Variants in TRPC6 observed in about 807,000 individuals in gnomAD.
The protein encoded by TRPC6 is transient receptor potential cation channel subfamily C member 6.
Under a neutral mutation model 90.7 loss-of-function variants are expected in TRPC6, and 55 were observed. The observed-to-expected ratio is 0.61, with a 90% CI of 0.49 to 0.76. The LOEUF (loss-of-function observed/expected upper bound fraction) is 0.76. Among genes scored for constraint, TRPC6 ranks in the 30% least tolerant of loss-of-function variants. The pLI is 0.00. For missense variants in TRPC6, 989 were observed against 1,122.7 expected (o/e 0.88, Z 1.70); for synonymous variants, 393 against 393.0 (o/e 1.00, Z 0.00).
intron 10 of TRPC6, among the ~76,000 whole-genome samples, chr11:101,465,574 C>T (rs1720091589): frequency 6.6e-6 from 1 of 151,866 alleles, no homozygotes; most frequent in Admixed American, 6.6e-5. Context: ...TTGGCTTGTT[C>T]GATTTATCTG....
chr11:101,480,818 A>C (rs12791865), intron 5 of TRPC6, among the ~76,000 whole-genome samples: 11,941 of 152,238 alleles, frequency 0.078, 649 homozygotes, highest in Middle Eastern at 0.13. Context: ...TTAGTTTAAC[A>C]AGATAAAGGC....
chr11:101,488,377 T>C (rs1396039772), intron 4 of TRPC6, among the ~76,000 whole-genome samples: 1 of 152,244 alleles, frequency 6.6e-6, no homozygotes, highest in African/African-American at 2.4e-5. Flanking sequence ...GGTTCTGGTG[T>C]ACTTAGTCCC....
At position 101,554,783 on chromosome 11, in the gene TRPC6, G is replaced by A. The variant is rs144741339; in HGVS notation, c.170+28551C>T. Among the ~76,000 whole-genome samples, 44 of 152,254 alleles carry A rather than the reference G, an allele frequency of 2.9e-4. 1 individual carries two copies. The highest frequency in any genetic ancestry group is 1.1e-3 in the African/African-American group (44 of 41,524). ...TTATTGTAAACTCCAGCCTAAGAAA[G>A]ATAGCAGCTGATCTTCTTTCAAAGC... is the stretch of plus-strand genomic sequence containing the variant. On this transcript the variant is annotated intron_variant, in intron 1 of 12. Transcript: ENST00000344327.
intron 1 of TRPC6, among the ~76,000 whole-genome samples, chr11:101,540,477 A>G (rs7112255): frequency 0.57 from 86,808 of 152,108 alleles, 26,096 homozygotes; most frequent in Non-Finnish European, 0.65. Flanking sequence ...GGGCATATGT[A>G]GTGTTAAATG....
chr11:101,534,680 C>T (rs984477903), intron 1 of TRPC6, among the ~76,000 whole-genome samples: 1 of 151,854 alleles, frequency 6.6e-6, no homozygotes, highest in African/African-American at 2.4e-5. Context: ...ACAACTGATA[C>T]ATATTTAGAA....
intron 1 of TRPC6, among the ~76,000 whole-genome samples, chr11:101,535,665 C>G (rs1282112916): frequency 2.0e-5 from 3 of 152,076 alleles, no homozygotes; most frequent in Non-Finnish European, 4.4e-5. Context: ...CTGATAAAAG[C>G]AGAGCATAAA....
rs146581231 is a variant in TRPC6, at chr11:101,499,836, G to A, written c.945+4188C>T. Among the ~76,000 whole-genome samples, 3 of 34,636 alleles carry A rather than the reference G, an allele frequency of 8.7e-5. 1 individual carries two copies. The highest frequency in any genetic ancestry group is 3.6e-4 in the African/African-American group (2 of 5,628). The allele number at this position is 34,636 out of a possible 152,430, so 22.7% of individuals were successfully genotyped here. On this transcript the variant is annotated intron_variant, in intron 2 of 12. Transcript: ENST00000344327. ...TAAAATGTGTATATATATATACACA[G>A]TATAAAATGTGTATATATATATACA...
At chr11:101,550,126 AT>A (rs971056356) in intron 1 of TRPC6, among the ~76,000 whole-genome samples, 18 of 151,556 alleles carry the variant, frequency 1.2e-4, no homozygotes, top group Non-Finnish European at 2.1e-4. Context: ...AAGAATCTAA[AT>A]TTTTTTAAGA....
intron 10 of TRPC6, among the ~76,000 whole-genome samples, chr11:101,462,401 A>G (rs1859026514): frequency 6.6e-6 from 1 of 152,226 alleles, no homozygotes; most frequent in Admixed American, 6.5e-5. Flanking sequence ...TACTTTGGGC[A>G]GTATGGCCAT....
chr11:101,548,241 G>A, intron 1 of TRPC6, among the ~76,000 whole-genome samples: 1 of 111,890 alleles, frequency 8.9e-6, no homozygotes, highest in Admixed American at 1.0e-4. Flanking sequence ...AACAGCCTAA[G>A]AACTAGATCA....
At chr11:101,475,738 T>G (rs756804732) in intron 6 of TRPC6, among the ~76,000 whole-genome samples, 2 of 152,126 alleles carry the variant, frequency 1.3e-5, no homozygotes, top group Non-Finnish European at 2.9e-5. Flanking sequence ...TTTGTCTTTC[T>G]GTGCCTGCCT....
chr11:101,513,767 T>C (rs1455867108), intron 1 of TRPC6, among the ~76,000 whole-genome samples: 1 of 152,224 alleles, frequency 6.6e-6, no homozygotes, highest in Admixed American at 6.5e-5. Context: ...TAAGTTGATG[T>C]TCATATGAGG....
In TRPC6 at chr11:101,464,540, G is replaced by T. The variant is rs193298126; in HGVS notation, c.2484+4887C>A. 1.2e-4 allele frequency among the ~76,000 whole-genome samples: 19 copies of T among 152,234 alleles called. 1 individual carries two copies. Among genetic ancestry groups the T allele is most frequent in the East Asian group, 1.2e-3 (6 of 5,168 alleles). Reference sequence around the variant, plus strand: ...GTTGCATTGATCCCTTTACCATTATGTAATGCCCTTCATTGTCTTTTGTTC... The same window carrying T: ...GTTGCATTGATCCCTTTACCATTATTTAATGCCCTTCATTGTCTTTTGTTC... On this transcript the variant is annotated intron_variant, in intron 10 of 12. Transcript: ENST00000344327.
At chr11:101,495,173 A>G (rs1859913378) in intron 2 of TRPC6, among the ~76,000 whole-genome samples, 1 of 152,220 alleles carries the variant, frequency 6.6e-6, no homozygotes, top group Non-Finnish European at 1.5e-5. Context: ...GAAAAGAGAT[A>G]ACTCACAGTG....
intron 6 of TRPC6, 126 bp from the exon 7 acceptor site, chr11:101,473,899 T>A: frequency 1.5e-6 from 2 of 1,307,836 alleles, no homozygotes; most frequent in Non-Finnish European, 2.1e-6. Flanking sequence ...TCTCCTATCT[T>A]AAAGGGCTTC....
At chr11:101,484,041 T>C (rs766113528) in intron 4 of TRPC6, among the ~76,000 whole-genome samples, 6 of 152,186 alleles carry the variant, frequency 3.9e-5, no homozygotes, top group Non-Finnish European at 5.9e-5. Flanking sequence ...CTTTAGGAGA[T>C]GGTCCATAGC....
In TRPC6 at chr11:101,483,184, A is replaced by C. The variant is rs922279211; in HGVS notation, c.1294-19T>G. The C allele has an allele frequency of 1.2e-6, 2 of 1,613,654 alleles. No homozygotes were observed. The highest frequency in any genetic ancestry group is 1.7e-5 in the Admixed American group (1 of 59,978). The stretch of plus-strand genomic sequence containing the variant: ...TCCCCATCTGCCACAACACACACCA[A>C]AATAAAATCTTAACTTTGTTTTGTA... On this transcript the variant is annotated intron_variant, in intron 4 of 12. Transcript: ENST00000344327.
chr11:101,568,448 T>C, intron 1 of TRPC6, among the ~76,000 whole-genome samples: 1 of 152,182 alleles, frequency 6.6e-6, no homozygotes, highest in East Asian at 1.9e-4. Context: ...TTCAGAATAT[T>C]ATCCAGGAGA....
At chr11:101,476,254 A>G (rs1223056051) in intron 6 of TRPC6, 47 bp downstream of exon 6, 1 of 1,539,122 alleles carries the variant, frequency 6.5e-7, no homozygotes, top group East Asian at 2.3e-5. Context: ...TCTGTTTTAC[A>G]AGAAAATTCT....
Sources: gnomAD v4.1 joint callset for allele counts (sites outside exome capture counted in the v4.1 genomes callset) on GRCh38, gnomAD v4.1.1 for gene constraint, MANE v1.5 for transcripts, NCBI Gene and HGNC (gene_info 2026-07-23, HGNC 2026-07-21) for gene names.